Variants in ZNF423 observed in about 807,000 individuals in gnomAD.
ZNF423 encodes Ebf-associated zinc finger protein.
In ZNF423, 12 loss-of-function variants were observed where a neutral mutation model predicts 95.8. The ratio of observed to expected loss-of-function variants is 0.13; its 90% CI spans 0.08 to 0.20. The LOEUF (loss-of-function observed/expected upper bound fraction) is 0.20, where lower values mean the gene tolerates loss of function less well. Among genes scored for constraint, ZNF423 ranks in the 10% least tolerant of loss-of-function variants. The pLI, the probability that ZNF423 is intolerant of heterozygous loss-of-function variation, is 1.00. For missense variants in ZNF423, 1,316 were observed against 1,737.1 expected (o/e 0.76, Z 4.31); for synonymous variants, 749 against 711.9 (o/e 1.05, Z -0.83).
chr16:49,755,513 C>T (rs977355932), intron 2 of ZNF423, among the ~76,000 whole-genome samples: 1 of 152,072 alleles, frequency 6.6e-6, no homozygotes, highest in Non-Finnish European at 1.5e-5. Flanking sequence ...GACCCTCTTT[C>T]GCTAATGAAA....
At position 49,707,071 on chromosome 16, in the gene ZNF423, C is replaced by T. The variant is rs144272054; in HGVS notation, c.301+23700G>A. On this transcript the variant is annotated intron_variant, in intron 3 of 7. Coordinates refer to ENST00000563137, the MANE Select transcript of ZNF423 (RefSeq NM_001379286.1). ...TAGGCTTGGAATAAAATCCCCACCCCTTTCCATGGCCTGCGAGGCACTATG... is the reference window on the plus strand; with the variant it reads ...TAGGCTTGGAATAAAATCCCCACCCTTTTCCATGGCCTGCGAGGCACTATG... 4.6e-5 allele frequency among the ~76,000 whole-genome samples: 7 copies of T among 152,326 alleles called. No homozygotes were observed. The East Asian group carries it at 1.4e-3, about 29-fold the overall frequency.
At chr16:49,670,002 A>T (rs2030734969) in intron 3 of ZNF423, among the ~76,000 whole-genome samples, 1 of 152,248 alleles carries the variant, frequency 6.6e-6, no homozygotes, top group Non-Finnish European at 1.5e-5. Context: ...AGGAGACGCC[A>T]AGGGCAAGCC....
intron 3 of ZNF423, among the ~76,000 whole-genome samples, chr16:49,669,057 C>T (rs1385041450): frequency 6.6e-6 from 1 of 152,106 alleles, no homozygotes; most frequent in Non-Finnish European, 1.5e-5. Flanking sequence ...CAACCATGCG[C>T]GGCAGCTCAT....
intron 7 of ZNF423, among the ~76,000 whole-genome samples, chr16:49,502,160 G>C (rs574291926): frequency 2.0e-5 from 3 of 152,322 alleles, no homozygotes; most frequent in Non-Finnish European, 2.9e-5. Flanking sequence ...GAGACCTCTG[G>C]GGTTGGTGAG....
chr16:49,658,672 C>T (rs1449075929), intron 3 of ZNF423, among the ~76,000 whole-genome samples: 2 of 152,222 alleles, frequency 1.3e-5, no homozygotes, highest in African/African-American at 2.4e-5. Context: ...TGGACCACCA[C>T]GAGGAGGAGG....
chr16:49,537,583 G>A (rs1293129695), intron 5 of ZNF423, among the ~76,000 whole-genome samples: 1 of 152,180 alleles, frequency 6.6e-6, no homozygotes. Context: ...CTACTCTGGG[G>A]AAGCGGGTCT....
At chr16:49,856,749 C>A (rs1412046161), upstream of ZNF423, among the ~76,000 whole-genome samples, 2 of 147,134 alleles carry the variant, frequency 1.4e-5, no homozygotes, top group East Asian at 2.0e-4. Flanking sequence ...TCGCTCAGCC[C>A]GTGCGCCGGG....
At chr16:49,581,430 G>A (rs923303899) in intron 5 of ZNF423, among the ~76,000 whole-genome samples, 3 of 152,162 alleles carry the variant, frequency 2.0e-5, no homozygotes, top group African/African-American at 4.8e-5. Flanking sequence ...CAGAGACACC[G>A]AAATGAAATC....
chr16:49,832,095 A>G (rs979626803), intron 1 of ZNF423, among the ~76,000 whole-genome samples: 7 of 152,018 alleles, frequency 4.6e-5, no homozygotes, highest in Non-Finnish European at 1.5e-5. Flanking sequence ...CAAATATCCG[A>G]GGGCCCTGGC....
rs118117341 is a variant in ZNF423, at chr16:49,768,074, G to A, written c.100+21413C>T. On this transcript the variant is annotated intron_variant, in intron 2 of 7. Transcript: ENST00000563137. ...ATTACACATCCCTCTAATCCTGTACGGAGGTGCGGCTGGCCCACTTCCGCA... is the reference window on the plus strand; with the variant it reads ...ATTACACATCCCTCTAATCCTGTACAGAGGTGCGGCTGGCCCACTTCCGCA... Among the ~76,000 whole-genome samples the A allele has an allele frequency of 8.2e-3, 1,256 of 152,290 alleles. 6 individuals are homozygous for A. The highest frequency in any genetic ancestry group is 0.024 in the Middle Eastern group (7 of 294).
At chr16:49,594,052 G>C (rs1306615406) in intron 5 of ZNF423, among the ~76,000 whole-genome samples, 1 of 152,246 alleles carries the variant, frequency 6.6e-6, no homozygotes, top group South Asian at 2.1e-4. Flanking sequence ...AACTAGCAGT[G>C]CAAAGCGAGT....
rs1201542486 is a variant in ZNF423, at chr16:49,492,045, C to G, written c.3850-741G>C. On this transcript the variant is annotated intron_variant, in intron 7 of 7. Transcript: ENST00000563137. The surrounding 1 kb of genome is among the most constrained non-coding windows in gnomAD (Gnocchi z 4.2). ...GGACCCTGTGGCCAAATGTTTCCCT[C>G]TCATTACAGTCAATGGCATTTCCTC... 1.3e-5 allele frequency among the ~76,000 whole-genome samples: 2 copies of G among 152,232 alleles called. No homozygotes were observed. The highest frequency in any genetic ancestry group is 4.8e-5 in the African/African-American group (2 of 41,464).
intron 1 of ZNF423, among the ~76,000 whole-genome samples, chr16:49,839,878 A>G (rs2035165168): frequency 6.6e-6 from 1 of 152,212 alleles, no homozygotes; most frequent in African/African-American, 2.4e-5. Flanking sequence ...AGCCCCCTTC[A>G]CCATCTGGGA....
intron 1 of ZNF423, among the ~76,000 whole-genome samples, chr16:49,848,021 T>C (rs1233330125): frequency 6.6e-6 from 1 of 152,096 alleles, no homozygotes; most frequent in African/African-American, 2.4e-5. Flanking sequence ...AGAGGACTGC[T>C]TGAGCCCAGG....
chr16:49,612,475 AAAC>A (rs1229414464), intron 5 of ZNF423, among the ~76,000 whole-genome samples: 2 of 151,686 alleles, frequency 1.3e-5, no homozygotes, highest in Admixed American at 6.6e-5. Flanking sequence ...TCATGGTAAA[AAAC>A]AAACAAACAA....
intron 1 of ZNF423, among the ~76,000 whole-genome samples, chr16:49,804,555 C>CAG (rs1168445150): frequency 6.6e-6 from 1 of 152,160 alleles, no homozygotes; most frequent in Non-Finnish European, 1.5e-5. Context: ...TCCATGTCCC[C>CAG]AGAGTCAGCC....
intron 1 of ZNF423, among the ~76,000 whole-genome samples, chr16:49,808,555 G>A (rs922284062): frequency 6.6e-5 from 10 of 152,132 alleles, no homozygotes; most frequent in African/African-American, 2.2e-4. Context: ...TGATAAAGAG[G>A]TGCATGTCAG....
At chr16:49,524,836 C>T (rs576157280) in intron 6 of ZNF423, among the ~76,000 whole-genome samples, 138 of 152,312 alleles carry the variant, frequency 9.1e-4, no homozygotes, top group African/African-American at 3.0e-3. Context: ...AGACTTGCCT[C>T]GGGCTGGGAC....
At chr16:49,702,328 G>A (rs2032208135) in intron 3 of ZNF423, among the ~76,000 whole-genome samples, 1 of 152,212 alleles carries the variant, frequency 6.6e-6, no homozygotes, top group South Asian at 2.1e-4. Context: ...GCCAGGGACG[G>A]GAGAAGTGTT....
Sources: allele counts gnomAD v4.1 joint callset (sites outside exome capture counted in the v4.1 genomes callset), GRCh38; gene constraint gnomAD v4.1.1; non-coding constraint Gnocchi (gnomAD v3.1); transcripts MANE v1.5; gene names NCBI Gene and HGNC (gene_info 2026-07-23, HGNC 2026-07-21).